The following STXBP5L variants were observed in gnomAD, a reference collection of about 807,000 sequenced individuals.
STXBP5L encodes the protein syntaxin-binding protein 5-like.
A neutral mutation model predicts 144.5 loss-of-function variants in STXBP5L; 65 were observed. The ratio of observed to expected loss-of-function variants is 0.45; its 90% CI spans 0.37 to 0.55. The LOEUF is 0.55. Ranked by LOEUF, STXBP5L falls within the 20% of genes least tolerant of loss-of-function variation. The probability of loss-of-function intolerance (pLI) is 0.00; values close to 1 mark genes in which losing one functional copy is unlikely to be tolerated. For missense variants in STXBP5L, 1,298 were observed against 1,405.5 expected (o/e 0.92, Z 1.22); for synonymous variants, 505 against 469.6 (o/e 1.08, Z -0.97).
chr3:121,256,880 A>G (rs1482819083), intron 16 of STXBP5L, among the ~76,000 whole-genome samples: 1 of 151,620 alleles, frequency 6.6e-6, no homozygotes, highest in African/African-American at 2.4e-5. Flanking sequence ...TAAAAACTTT[A>G]TCTTCACTGA....
rs2047337297 is a variant in STXBP5L, at chr3:121,420,739, CTT to C, written c.*1643_*1644del. 1 of 152,074 alleles carries C rather than the reference CTT, an allele frequency of 6.6e-6. No individual in the cohort carries two copies. 9.4% of individuals were successfully genotyped at this position (152,074 alleles called of 1,614,324 possible). A position where few individuals can be genotyped will look rare whatever the true frequency, so the allele number is the denominator to read the frequency against. ...GGATTTACATTTGTGTTTCTTAAGACTTCACAATTTTCCTGGATTTCAGGTTA... is the reference window on the plus strand; with the variant it reads ...GGATTTACATTTGTGTTTCTTAAGACCACAATTTTCCTGGATTTCAGGTTA... On this transcript the variant is annotated 3_prime_UTR_variant, in exon 27 of 27. Transcript: ENST00000471454.
chr3:121,062,007 A>G (rs2041306641), intron 5 of STXBP5L, among the ~76,000 whole-genome samples: 2 of 152,220 alleles, frequency 1.3e-5, no homozygotes, highest in South Asian at 4.1e-4. Flanking sequence ...TCCTGTCATT[A>G]TGAAGCTAGC....
intron 19 of STXBP5L, among the ~76,000 whole-genome samples, chr3:121,313,775 G>T (rs2108519279): frequency 7.1e-6 from 1 of 140,978 alleles, no homozygotes; most frequent in East Asian, 2.3e-4. Context: ...TGGCTGCCGG[G>T]CGGAGACGCT....
At chr3:121,039,298 C>T (rs1266288664) in intron 3 of STXBP5L, among the ~76,000 whole-genome samples, 1 of 151,806 alleles carries the variant, frequency 6.6e-6, no homozygotes, top group Admixed American at 6.6e-5. Flanking sequence ...TAATAGTGTG[C>T]AGCTGTACCT....
At chr3:121,264,430 A>T (rs959309460) in intron 18 of STXBP5L, among the ~76,000 whole-genome samples, 2 of 152,158 alleles carry the variant, frequency 1.3e-5, no homozygotes, top group African/African-American at 4.8e-5. Flanking sequence ...AGAATTAGGA[A>T]AAAAGAAAGG....
intron 10 of STXBP5L, among the ~76,000 whole-genome samples, chr3:121,218,695 A>G (rs922167541): frequency 2.0e-5 from 3 of 152,098 alleles, no homozygotes; most frequent in Non-Finnish European, 4.4e-5. Flanking sequence ...TTGCCAAGCA[A>G]AGGGAGGAAG....
chr3:121,061,912 C>CTATT (rs138823000), intron 5 of STXBP5L, among the ~76,000 whole-genome samples: 15,068 of 151,778 alleles, frequency 0.099, 1,165 homozygotes, highest in Admixed American at 0.2. Context: ...TGTGTCTTGA[C>CTATT]TATCCAGTTT....
intron 2 of STXBP5L, among the ~76,000 whole-genome samples, chr3:120,946,240 C>T (rs1283695489): frequency 6.7e-6 from 1 of 149,482 alleles, no homozygotes; most frequent in African/African-American, 2.5e-5. Flanking sequence ...TGAATATGTC[C>T]AATCAAAAGC....
chr3:121,172,109 G>C (rs1328585809), intron 9 of STXBP5L, among the ~76,000 whole-genome samples: 5 of 149,746 alleles, frequency 3.3e-5, no homozygotes, highest in Admixed American at 3.3e-4. Context: ...GGAAAAAATT[G>C]TTTTGGGAAA....
intron 19 of STXBP5L, among the ~76,000 whole-genome samples, chr3:121,283,657 G>A (rs151094192): frequency 1.4e-3 from 207 of 152,050 alleles, no homozygotes; most frequent in African/African-American, 3.8e-3. Flanking sequence ...GAGTTGAGTA[G>A]CTGCAACAGA....
At chr3:120,987,452 A>C (rs986036901) in intron 3 of STXBP5L, among the ~76,000 whole-genome samples, 3 of 151,742 alleles carry the variant, frequency 2.0e-5, no homozygotes, top group Admixed American at 2.0e-4. Context: ...TGCCCATTTT[A>C]TATTTTGATT....
chr3:121,160,368 A>G (rs758228876), intron 9 of STXBP5L, among the ~76,000 whole-genome samples: 2 of 152,216 alleles, frequency 1.3e-5, no homozygotes, highest in Non-Finnish European at 2.9e-5. Flanking sequence ...AAGATTCAAC[A>G]AAACCAAAGA....
At chr3:121,391,583 C>A (rs1284433674) in intron 22 of STXBP5L, among the ~76,000 whole-genome samples, 8 of 151,434 alleles carry the variant, frequency 5.3e-5, no homozygotes, top group African/African-American at 1.9e-4. Context: ...TGTAGATGAC[C>A]TTTTTGTTGA....
At chr3:121,353,437 C>A (rs543002091) in intron 20 of STXBP5L, among the ~76,000 whole-genome samples, 1 of 152,056 alleles carries the variant, frequency 6.6e-6, no homozygotes, top group African/African-American at 2.4e-5. Context: ...AGGATTTTAT[C>A]CATTTCTTCT....
At position 121,318,492 on chromosome 3, in the gene STXBP5L, G is replaced by T; in HGVS notation, c.2128G>T (p.Asp710Tyr). Residue 710 changes from aspartate to tyrosine, a missense_variant, in exon 20 of 27, where the codon GAC (aspartate) becomes TAC (tyrosine). Transcript: ENST00000471454. ...QFIAGLTELN[D>Y]SPVPLELERC... ...ATTTTCAGGTTTAACTGAACTGAATGACAGTCCAGTTCCCCTAGAACTTGA... is the reference window on the plus strand; with the variant it reads ...ATTTTCAGGTTTAACTGAACTGAATTACAGTCCAGTTCCCCTAGAACTTGA... The T allele has an allele frequency of 6.4e-7, 1 of 1,560,994 alleles. No individual in the cohort carries two copies. Among genetic ancestry groups the T allele is most frequent in the Admixed American group, 1.9e-5 (1 of 53,022 alleles).
At chr3:121,108,816 G>A (rs1292478748) in intron 5 of STXBP5L, among the ~76,000 whole-genome samples, 1 of 152,140 alleles carries the variant, frequency 6.6e-6, no homozygotes, top group Non-Finnish European at 1.5e-5. Flanking sequence ...ACCTCTGGTA[G>A]AATTCAGCTA....
At chr3:120,967,171 C>T (rs981207475) in intron 3 of STXBP5L, among the ~76,000 whole-genome samples, 6 of 152,004 alleles carry the variant, frequency 3.9e-5, no homozygotes, top group South Asian at 4.1e-4. Context: ...AGTATTTGGT[C>T]GGGGAGTGTC....
intron 9 of STXBP5L, among the ~76,000 whole-genome samples, chr3:121,183,393 C>A (rs1413669046): frequency 6.6e-6 from 1 of 152,038 alleles, no homozygotes. Flanking sequence ...CCTAGAAAAC[C>A]GTAAAGACTA....
chr3:121,211,489 C>T (rs894734697), intron 10 of STXBP5L, among the ~76,000 whole-genome samples: 2 of 152,000 alleles, frequency 1.3e-5, no homozygotes, highest in Non-Finnish European at 2.9e-5. Flanking sequence ...TGAGAGAGGG[C>T]ATCCCTGTCT....
Sources: allele counts gnomAD v4.1 joint callset (sites outside exome capture counted in the v4.1 genomes callset), GRCh38; gene constraint gnomAD v4.1.1; transcripts MANE v1.5; gene names NCBI Gene and HGNC (gene_info 2026-07-23, HGNC 2026-07-21).